FAM222B: variants seen among roughly 807,000 people sequenced by gnomAD.
The protein encoded by FAM222B is family with sequence similarity 222 member B.
In FAM222B, 12 loss-of-function variants were observed where a neutral mutation model predicts 38.0. The ratio of observed to expected loss-of-function variants is 0.32; its 90% CI spans 0.20 to 0.51. FAM222B has a LOEUF of 0.51. Among genes scored for constraint, FAM222B ranks in the 20% least tolerant of loss-of-function variants. The pLI is 0.97. For synonymous variants in FAM222B, 329 were observed against 317.2 expected (o/e 1.04, Z -0.40); for missense variants, 716 against 754.2 (o/e 0.95, Z 0.59).
intron 1 of FAM222B, among the ~76,000 whole-genome samples, chr17:28,833,568 G>GC (rs2038739042): frequency 6.9e-6 from 1 of 144,418 alleles, no homozygotes; most frequent in South Asian, 2.2e-4. Context: ...AGCTGAGATC[G>GC]TGCCACTGTA....
At chr17:28,845,347 G>A (rs563264328), upstream of FAM222B, among the ~76,000 whole-genome samples, 7 of 151,584 alleles carry the variant, frequency 4.6e-5, no homozygotes, top group South Asian at 1.2e-3. Context: ...CTTGCAGTGA[G>A]CCAAGACGGT....
At chr17:28,804,390 A>T (rs1331737461) in intron 1 of FAM222B, among the ~76,000 whole-genome samples, 1 of 151,688 alleles carries the variant, frequency 6.6e-6, no homozygotes, top group African/African-American at 2.4e-5. Context: ...CCTAGAGCGC[A>T]GTGGCGCGAT....
At chr17:28,790,164 A>C (rs2036599662) in intron 1 of FAM222B, among the ~76,000 whole-genome samples, 2 of 152,224 alleles carry the variant, frequency 1.3e-5, no homozygotes, top group Admixed American at 1.3e-4. Flanking sequence ...ATTTCATTGA[A>C]TAAAACAAGA....
rs562398156 is a variant in FAM222B at position 28,823,372 on chromosome 17, T to C, written c.-41+19310A>G. 7.2e-3 allele frequency among the ~76,000 whole-genome samples: 1,086 copies of C among 151,850 alleles called. 6 individuals carry two copies. Among genetic ancestry groups the C allele is most frequent in the Non-Finnish European group, 0.012 (839 of 67,922 alleles). On this transcript the variant is annotated intron_variant, in intron 1 of 2. Transcript: ENST00000581407. ...TCACCACTCCGTTCTATTTTTTTTT[T>C]TTTTTTGAGAAAGTGTCTAGCTCTG...
intron 2 of FAM222B, among the ~76,000 whole-genome samples, chr17:28,764,157 A>G (rs1488940247): frequency 1.3e-5 from 2 of 151,502 alleles, no homozygotes; most frequent in African/African-American, 4.9e-5. Context: ...CTGTAATCTG[A>G]GCTACTCGAG....
At chr17:28,777,892 G>A (rs1413866112) in intron 1 of FAM222B, among the ~76,000 whole-genome samples, 3 of 151,696 alleles carry the variant, frequency 2.0e-5, no homozygotes, top group Non-Finnish European at 2.9e-5. Context: ...GGGTTCAGGT[G>A]ATCCTCCAAC....
intron 1 of FAM222B, among the ~76,000 whole-genome samples, chr17:28,797,368 G>A (rs1012313586): frequency 6.6e-6 from 1 of 152,130 alleles, no homozygotes; most frequent in African/African-American, 2.4e-5. Flanking sequence ...TCATATAAAG[G>A]AGGAAGCAGA....
intron 1 of FAM222B, among the ~76,000 whole-genome samples, chr17:28,836,938 CA>C (rs2038864700): frequency 6.6e-6 from 1 of 151,866 alleles, no homozygotes; most frequent in African/African-American, 2.4e-5. Flanking sequence ...GCCAACATGG[CA>C]AAACTCCATC....
Position 28,817,330 on chromosome 17 carries a change from T to C in FAM222B, c.-41+25352A>G, listed in dbSNP as rs189532071. Among the ~76,000 whole-genome samples, 441 of 151,790 alleles carry C rather than the reference T, an allele frequency of 2.9e-3. 12 individuals carry two copies. Among genetic ancestry groups the C allele is most frequent in the Non-Finnish European group, 9.3e-4 (63 of 67,950 alleles). Reference sequence around the variant, plus strand: ...CAGGAGGATGAGATAGGAGAATCGCTTGAACCTGGGAGACAGAGATTGCAG... The same window carrying C: ...CAGGAGGATGAGATAGGAGAATCGCCTGAACCTGGGAGACAGAGATTGCAG... On this transcript the variant is annotated intron_variant, in intron 1 of 2. Coordinates refer to ENST00000581407, the MANE Select transcript of FAM222B (RefSeq NM_001077498.3).
At chr17:28,843,973 G>A (rs2039119096), upstream of FAM222B, among the ~76,000 whole-genome samples, 1 of 152,164 alleles carries the variant, frequency 6.6e-6, no homozygotes, top group South Asian at 2.1e-4. Context: ...TAGGCATCGC[G>A]TGTATGCTAT....
chr17:28,836,329 G>A (rs57121826), intron 1 of FAM222B, among the ~76,000 whole-genome samples: 3,282 of 150,440 alleles, frequency 0.022, 109 homozygotes, highest in African/African-American at 0.075. Flanking sequence ...CCATGAAATA[G>A]TATGATCCAG....
rs1276249635 is a variant in FAM222B, at chr17:28,809,340, G to A, written c.-41+33342C>T. On this transcript the variant is annotated intron_variant, in intron 1 of 2. Transcript: ENST00000581407. ...TGCATTCCAGCCTGGGTGACAGAGC[G>A]AGACTCCGTCTCAAAAAAAAAAAAA... Among the ~76,000 whole-genome samples, 7 of 146,108 alleles carry A rather than the reference G, an allele frequency of 4.8e-5. No homozygotes were observed. In the East Asian group the frequency reaches 8.0e-4, roughly 17 times the overall value.
At position 28,837,646 on chromosome 17, in the gene FAM222B, G is replaced by GT. The variant is rs1175762122; in HGVS notation, c.-41+5035dup. 6.9e-3 allele frequency among the ~76,000 whole-genome samples: 961 copies of GT among 140,022 alleles called. 6 individuals are homozygous for GT. The highest frequency in any genetic ancestry group is 0.017 in the African/African-American group (650 of 38,490). 91.9% of individuals were successfully genotyped at this position (140,022 alleles called of 152,430 possible). A position where few individuals can be genotyped will look rare whatever the true frequency, so the allele number is the denominator to read the frequency against. On this transcript the variant is annotated intron_variant, in intron 1 of 2. Coordinates refer to ENST00000581407, the MANE Select transcript of FAM222B (RefSeq NM_001077498.3). ...AAATAGATATTAAATACTTCTTTTT[G>GT]TTTTTTTTTTTTTGTTTTTTGAGAC...
chr17:28,804,191 CTGAA>C lies in FAM222B; in HGVS notation c.-40-37488_-40-37485del, dbSNP rs958302372. 1.2e-3 allele frequency among the ~76,000 whole-genome samples: 180 copies of C among 152,254 alleles called. 1 individual carries two copies. Among genetic ancestry groups the C allele is most frequent in the African/African-American group, 4.0e-3 (166 of 41,532 alleles). On this transcript the variant is annotated intron_variant, in intron 1 of 2. Coordinates refer to ENST00000581407, the MANE Select transcript of FAM222B (RefSeq NM_001077498.3). Reference sequence around the variant, plus strand: ...TAGTTCTTAGGCCTTTGGTCTCAGACTGAATGACACCACCAGCTTTCCTGGTTCT... The same window carrying C: ...TAGTTCTTAGGCCTTTGGTCTCAGACTGACACCACCAGCTTTCCTGGTTCT...
At chr17:28,768,864 A>C (rs1426011909) in intron 1 of FAM222B, among the ~76,000 whole-genome samples, 1 of 145,426 alleles carries the variant, frequency 6.9e-6, no homozygotes, top group Non-Finnish European at 1.5e-5. Context: ...AAAAAAAGAG[A>C]GACTTCTGTT....
At chr17:28,824,460 C>T (rs1390682310) in intron 1 of FAM222B, among the ~76,000 whole-genome samples, 4 of 151,952 alleles carry the variant, frequency 2.6e-5, no homozygotes, top group Admixed American at 6.6e-5. Flanking sequence ...TGCTGGGTTA[C>T]AGGCATGAGC....
intron 1 of FAM222B, among the ~76,000 whole-genome samples, chr17:28,806,151 T>TAAA (rs879586183): frequency 7.1e-6 from 1 of 141,400 alleles, no homozygotes; most frequent in Non-Finnish European, 1.6e-5. Flanking sequence ...AAACTCCAAC[T>TAAA]AAAAAAAAAA....
intron 1 of FAM222B, among the ~76,000 whole-genome samples, chr17:28,815,214 CT>C (rs71135857): frequency 0.29 from 42,126 of 143,556 alleles, 6,852 homozygotes; most frequent in African/African-American, 0.47. Flanking sequence ...TTTATTACAT[CT>C]TTTTTTTTTT....
intron 1 of FAM222B, among the ~76,000 whole-genome samples, chr17:28,828,068 G>C (rs1458667193): frequency 1.3e-5 from 2 of 150,400 alleles, no homozygotes; most frequent in Non-Finnish European, 3.0e-5. Context: ...TCGGATAAGG[G>C]GTAAGGAGAA....
Sources: allele counts gnomAD v4.1 joint callset (sites outside exome capture counted in the v4.1 genomes callset), GRCh38; gene constraint gnomAD v4.1.1; transcripts MANE v1.5; gene names NCBI Gene and HGNC (gene_info 2026-07-23, HGNC 2026-07-21).